The following ZBTB41 variants were observed in gnomAD, a reference collection of about 807,000 sequenced individuals.
ZBTB41 encodes the protein zinc finger and BTB domain-containing protein 41.
Under a neutral mutation model 87.6 loss-of-function variants are expected in ZBTB41, and 42 were observed. The ratio of observed to expected loss-of-function variants is 0.48; its 90% CI spans 0.37 to 0.62. The LOEUF is 0.62. Among genes scored for constraint, ZBTB41 ranks in the 20% least tolerant of loss-of-function variants. The pLI, the probability that ZBTB41 is intolerant of heterozygous loss-of-function variation, is 0.00. For missense variants in ZBTB41, 799 were observed against 1,078.9 expected, an observed-to-expected ratio of 0.74 and a Z score of 3.63; for synonymous variants, 364 against 364.0, an observed-to-expected ratio of 1.00 and a Z score of 0.00.
rs139266912 is a variant in ZBTB41 at position 197,189,320 on chromosome 1, C to T, written c.1399-881G>A. ...ACGGGTAGATCACCTGGGGTCAGAA[C>T]TTCAAGATCGGCCTGGCCAACATAG... On this transcript the variant is annotated intron_variant, in intron 4 of 10. Transcript: ENST00000367405. 6.3e-3 allele frequency among the ~76,000 whole-genome samples: 964 copies of T among 152,072 alleles called. 12 individuals are homozygous for T. Among genetic ancestry groups the T allele is most frequent in the African/African-American group, 0.022 (926 of 41,496 alleles).
intron 10 of ZBTB41, among the ~76,000 whole-genome samples, chr1:197,168,874 C>T (rs1237345916): frequency 6.6e-6 from 1 of 151,672 alleles, no homozygotes; most frequent in Non-Finnish European, 1.5e-5. Flanking sequence ...AGAATACCTA[C>T]AAATCCATTA....
At chr1:197,180,957 G>T (rs1557981976) in intron 6 of ZBTB41, 31 bp downstream of exon 6, 2 of 1,575,428 alleles carry the variant, frequency 1.3e-6, no homozygotes, top group Non-Finnish European at 1.7e-6. Context: ...ATAGTACTAG[G>T]ATTTTTGTGG....
intron 2 of ZBTB41, among the ~76,000 whole-genome samples, chr1:197,193,475 G>A (rs1660084110): frequency 6.6e-6 from 1 of 151,952 alleles, no homozygotes; most frequent in Non-Finnish European, 1.5e-5. Context: ...CGGGTTACTA[G>A]TCATAATATG....
intron 4 of ZBTB41, among the ~76,000 whole-genome samples, chr1:197,189,831 G>A (rs191709091): frequency 2.6e-5 from 4 of 152,278 alleles, no homozygotes; most frequent in African/African-American, 7.2e-5. Context: ...AAAAAAGACC[G>A]AAGTAGAGAA....
chr1:197,182,016 T>G (rs1268450151), intron 5 of ZBTB41, among the ~76,000 whole-genome samples: 1 of 152,182 alleles, frequency 6.6e-6, no homozygotes, highest in Admixed American at 6.5e-5. Flanking sequence ...TTATTTATTC[T>G]TAATTCACAT....
intron 10 of ZBTB41, among the ~76,000 whole-genome samples, chr1:197,166,768 A>G (rs1659355170): frequency 6.6e-6 from 1 of 152,022 alleles, no homozygotes; most frequent in Admixed American, 6.6e-5. Context: ...AATCGCTTGA[A>G]CCCAGGAGGT....
At chr1:197,160,141 C>T in intron 10 of ZBTB41, 127 bp from the exon 11 acceptor site, 1 of 675,440 alleles carries the variant, frequency 1.5e-6, no homozygotes, top group Non-Finnish European at 2.5e-6. Flanking sequence ...ATACTGTATA[C>T]TATCACAAAA....
chr1:197,186,329 T>G (rs1659882141), intron 5 of ZBTB41, among the ~76,000 whole-genome samples: 1 of 150,270 alleles, frequency 6.7e-6, no homozygotes, highest in African/African-American at 2.4e-5. Context: ...TTTGCAAAAG[T>G]GAACTCAAAA....
intron 10 of ZBTB41, among the ~76,000 whole-genome samples, chr1:197,167,518 C>A (rs1659378291): frequency 6.6e-6 from 1 of 152,008 alleles, no homozygotes; most frequent in Non-Finnish European, 1.5e-5. Context: ...TATATTATAT[C>A]TTCAATACAC....
intron 9 of ZBTB41, 50 bp downstream of exon 9, chr1:197,174,960 T>G (rs749700605): frequency 6.8e-7 from 1 of 1,469,976 alleles, no homozygotes; most frequent in Non-Finnish European, 9.4e-7. Flanking sequence ...ACAACTTTCC[T>G]CAGAGACTTA....
rs755349854 is a variant in ZBTB41 at position 197,174,689 on chromosome 1, T to A, written c.1985+321A>T. On this transcript the variant is annotated intron_variant, in intron 9 of 10. Coordinates refer to ENST00000367405, the MANE Select transcript of ZBTB41 (RefSeq NM_194314.3). ...CAAGTTTAAATTCTGACTGCAAACA[T>A]TTCCTAACAACTGCTGTCTTATTAA... Among the ~76,000 whole-genome samples, 56 of 152,218 alleles carry A rather than the reference T, an allele frequency of 3.7e-4. 1 individual carries two copies. Among genetic ancestry groups the A allele is most frequent in the South Asian group, 8.3e-4 (4 of 4,830 alleles).
At chr1:197,189,723 AT>A (rs1250385983) in intron 4 of ZBTB41, among the ~76,000 whole-genome samples, 1 of 152,164 alleles carries the variant, frequency 6.6e-6, no homozygotes, top group Non-Finnish European at 1.5e-5. Context: ...TTCTGAGACT[AT>A]GCCATAAAGT....
At position 197,161,347 on chromosome 1, in the gene ZBTB41, A is replaced by G. The variant is rs190750292; in HGVS notation, c.2075-1333T>C. ...TATTAATTGTCACATGAGTTTGTTGATATTTTCCTCTCATCTCTCCATTTG... is the reference window on the plus strand; with the variant it reads ...TATTAATTGTCACATGAGTTTGTTGGTATTTTCCTCTCATCTCTCCATTTG... On this transcript the variant is annotated intron_variant, in intron 10 of 10. Coordinates refer to ENST00000367405, the MANE Select transcript of ZBTB41 (RefSeq NM_194314.3). 3.3e-5 allele frequency among the ~76,000 whole-genome samples: 5 copies of G among 152,262 alleles called. No homozygotes were observed. The East Asian group carries it at 7.7e-4, about 23-fold the overall frequency.
At chr1:197,188,117 G>A (rs1325982434) in intron 5 of ZBTB41, among the ~76,000 whole-genome samples, 175 bp downstream of exon 5, 1 of 152,126 alleles carries the variant, frequency 6.6e-6, no homozygotes, top group Non-Finnish European at 1.5e-5. Flanking sequence ...CATATGTGGA[G>A]GCATAGGGCA....
chr1:197,178,420 T>G lies in ZBTB41; in HGVS notation c.1769A>C (p.Tyr590Ser). 6.2e-7 allele frequency: 1 copy of G among 1,605,514 alleles called. No homozygotes were observed. The highest frequency in any genetic ancestry group is 1.1e-5 in the South Asian group (1 of 89,724). The change falls in exon 7 of 11, where the codon TAT (tyrosine) becomes TCT (serine). Residue 590 changes from tyrosine to serine, a missense_variant. Physicochemically the swap from Tyr to Ser is moderately radical, Grantham distance 144. This residue lies in a region of ZBTB41 where 198 missense variants were observed against 358.4 expected (regional missense o/e 0.55). Transcript: ENST00000367405. ...GGGAAAAAATGGTTTTACTTACCTA[T>G]ACGAACTTCCATGACGAAAACTTTG... ...CGQSFRHGSS[Y>S]RLHLRVHHDD...
At chr1:197,190,636 A>G in intron 4 of ZBTB41, 126 bp downstream of exon 4, 1 of 585,162 alleles carries the variant, frequency 1.7e-6, no homozygotes, top group East Asian at 3.4e-5. Flanking sequence ...ATAATTTTAT[A>G]TAAAAGGAAA....
intron 10 of ZBTB41, among the ~76,000 whole-genome samples, chr1:197,167,986 T>G (rs1659390965): frequency 6.6e-6 from 1 of 152,174 alleles, no homozygotes; most frequent in Non-Finnish European, 1.5e-5. Flanking sequence ...CTGTCATTAT[T>G]CACAGATAAC....
intron 4 of ZBTB41, among the ~76,000 whole-genome samples, chr1:197,190,294 C>T (rs1392348852): frequency 7.2e-5 from 11 of 152,124 alleles, no homozygotes; most frequent in Non-Finnish European, 2.9e-5. Flanking sequence ...TGAGTGACTT[C>T]AGCTGACAAC....
chr1:197,177,014 A>C (rs10429911), intron 7 of ZBTB41, among the ~76,000 whole-genome samples: 116,579 of 152,044 alleles, frequency 0.77, 48,439 homozygotes, highest in East Asian at 0.98. Flanking sequence ...TCAAAAATAT[A>C]AAAAGTAGGA....
Sources: allele counts gnomAD v4.1 joint callset (sites outside exome capture counted in the v4.1 genomes callset), GRCh38; gene constraint gnomAD v4.1.1; regional missense constraint gnomAD v4.1.1; transcripts MANE v1.5; gene names NCBI Gene and HGNC (gene_info 2026-07-23, HGNC 2026-07-21).